Variants in CCM2 observed in about 807,000 individuals in gnomAD.
The protein encoded by CCM2 is CCM2 scaffold protein.
Under a neutral mutation model 44.9 loss-of-function variants are expected in CCM2, and 25 were observed. The observed-to-expected ratio is 0.56, with a 90% confidence interval of 0.41 to 0.78. CCM2 has a LOEUF of 0.78. CCM2 is among the 30% of genes least tolerant of loss of function. The pLI is 0.00. For missense variants in CCM2, 481 were observed against 580.6 expected, an observed-to-expected ratio of 0.83 and a Z score of 1.76; for synonymous variants, 219 against 241.1, an observed-to-expected ratio of 0.91 and a Z score of 0.85.
intron 1 of CCM2, among the ~76,000 whole-genome samples, chr7:45,018,979 C>G (rs556127276): frequency 3.1e-4 from 47 of 149,310 alleles, no homozygotes; most frequent in African/African-American, 1.1e-3. Context: ...AGGCTGGTCT[C>G]GAACTCCTGA....
intron 2 of CCM2, among the ~76,000 whole-genome samples, chr7:45,054,242 A>G (rs1479543102): frequency 1.3e-5 from 2 of 152,122 alleles, no homozygotes; most frequent in African/African-American, 2.4e-5. Context: ...CCTATGTGTT[A>G]TATTCAAGCA....
chr7:45,045,081 A>G (rs1455416898), intron 2 of CCM2, among the ~76,000 whole-genome samples: 2 of 152,172 alleles, frequency 1.3e-5, no homozygotes, highest in Admixed American at 1.3e-4. Flanking sequence ...ACCTTTACAT[A>G]TGTCTAGCCT....
At chr7:45,059,744 G>T (rs1798439191) in intron 2 of CCM2, among the ~76,000 whole-genome samples, 1 of 152,106 alleles carries the variant, frequency 6.6e-6, no homozygotes, top group African/African-American at 2.4e-5. Context: ...TCTCAAAAAT[G>T]TGTATGTGTG....
At chr7:45,001,780 G>C (rs1795643899) in intron 1 of CCM2, among the ~76,000 whole-genome samples, 3 of 152,152 alleles carry the variant, frequency 2.0e-5, no homozygotes, top group Admixed American at 2.0e-4. Flanking sequence ...GAGAGAAGCA[G>C]TAAGACTGTT....
intron 4 of CCM2, among the ~76,000 whole-genome samples, chr7:45,065,756 C>G (rs370740641): frequency 7.2e-5 from 11 of 152,252 alleles, no homozygotes; most frequent in East Asian, 3.9e-4. Context: ...CTTAGACTTG[C>G]GTACACCCTC....
At chr7:45,045,808 CAAA>C (rs1797728180) in intron 2 of CCM2, among the ~76,000 whole-genome samples, 1 of 152,176 alleles carries the variant, frequency 6.6e-6, no homozygotes, top group East Asian at 1.9e-4. Context: ...CAAAACAAAA[CAAA>C]ACAAACTCAG....
intron 2 of CCM2, among the ~76,000 whole-genome samples, chr7:45,059,814 A>G (rs1019443171): frequency 6.6e-6 from 1 of 152,214 alleles, no homozygotes; most frequent in African/African-American, 2.4e-5. Context: ...TTCACAACTA[A>G]TCAAAATCCA....
chr7:45,000,900 T>C (rs1174118115), intron 1 of CCM2, among the ~76,000 whole-genome samples: 1 of 152,254 alleles, frequency 6.6e-6, no homozygotes, highest in African/African-American at 2.4e-5. Context: ...AACCCCAGTT[T>C]ATGTAGTTTT....
rs201215825 is a variant in CCM2, at chr7:45,074,416, G to A, written c.1054+8G>A. On this transcript the variant is annotated splice_region_variant and intron_variant, in intron 9 of 9. Transcript: ENST00000258781. ...GCAAGTTCCTGCTGCTTGGTGAGTGGGCCCTGGAAAGAGGGTGGCTTGTCC... is the reference window on the plus strand; with the variant it reads ...GCAAGTTCCTGCTGCTTGGTGAGTGAGCCCTGGAAAGAGGGTGGCTTGTCC... The A allele has an allele frequency of 1.2e-6, 2 of 1,611,656 alleles. No homozygotes were observed. The highest frequency in any genetic ancestry group is 4.5e-5 in the East Asian group (2 of 44,824).
intron 2 of CCM2, among the ~76,000 whole-genome samples, chr7:45,042,359 A>AGG (rs1797554134): frequency 6.6e-6 from 1 of 151,940 alleles, no homozygotes; most frequent in Admixed American, 6.6e-5. Flanking sequence ...GAGGAGAAAG[A>AGG]GGGAAGGGCT....
intron 1 of CCM2, among the ~76,000 whole-genome samples, chr7:45,002,438 G>A (rs371660418): frequency 4.6e-5 from 7 of 151,900 alleles, no homozygotes; most frequent in African/African-American, 9.6e-5. Context: ...GCGCGGCAGC[G>A]CTCGCCTATA....
chr7:45,045,267 T>G, intron 2 of CCM2, among the ~76,000 whole-genome samples: 1 of 152,228 alleles, frequency 6.6e-6, no homozygotes, highest in East Asian at 1.9e-4. Context: ...GCCCTGCTAT[T>G]GTGCATGGGA....
chr7:45,020,802 G>T (rs1796452146), intron 1 of CCM2, among the ~76,000 whole-genome samples: 1 of 152,010 alleles, frequency 6.6e-6, no homozygotes, highest in Non-Finnish European at 1.5e-5. Flanking sequence ...TATCTCAGAA[G>T]AAAGTAGCAA....
intron 1 of CCM2, among the ~76,000 whole-genome samples, chr7:45,000,608 G>C (rs140436865): frequency 6.6e-6 from 1 of 152,168 alleles, no homozygotes; most frequent in Admixed American, 6.5e-5. Context: ...GGCCCCAGAC[G>C]GCCTTCCCTG....
intron 1 of CCM2, among the ~76,000 whole-genome samples, chr7:45,003,614 C>T (rs532119690): frequency 3.6e-4 from 55 of 151,942 alleles, no homozygotes; most frequent in African/African-American, 1.3e-3. Flanking sequence ...TGCCTATAAT[C>T]CCAGTTAGGA....
intron 1 of CCM2, among the ~76,000 whole-genome samples, chr7:45,008,535 T>A (rs760990451): frequency 6.6e-6 from 1 of 152,088 alleles, no homozygotes; most frequent in Non-Finnish European, 1.5e-5. Flanking sequence ...GCTAATTTTG[T>A]ATTTTTAGTA....
chr7:45,075,089 G>A (rs994855712), intron 9 of CCM2, among the ~76,000 whole-genome samples: 1 of 152,258 alleles, frequency 6.6e-6, no homozygotes, highest in South Asian at 2.1e-4. Flanking sequence ...AACGTGGATT[G>A]CCTGCCCAGG....
intron 1 of CCM2, among the ~76,000 whole-genome samples, chr7:45,020,423 ATTC>A (rs912467629): frequency 1.8e-4 from 28 of 151,930 alleles, no homozygotes; most frequent in African/African-American, 5.3e-4. Flanking sequence ...TAGTTTCTTT[ATTC>A]TTCTTTAGGG....
At chr7:45,016,900 T>C (rs574936039) in intron 1 of CCM2, among the ~76,000 whole-genome samples, 1 of 152,194 alleles carries the variant, frequency 6.6e-6, no homozygotes, top group Non-Finnish European at 1.5e-5. Context: ...TCCAAAGTGC[T>C]AGGATTACAG....
Sources: allele counts gnomAD v4.1 joint callset (sites outside exome capture counted in the v4.1 genomes callset), GRCh38; gene constraint gnomAD v4.1.1; transcripts MANE v1.5; gene names NCBI Gene and HGNC (gene_info 2026-07-23, HGNC 2026-07-21).